Variants in CADM2 observed in about 807,000 individuals in gnomAD.
CADM2 encodes the protein cell adhesion molecule 2.
Under a neutral mutation model 49.8 loss-of-function variants are expected in CADM2, and 12 were observed. That is an observed-to-expected ratio of 0.24 (90% CI 0.15 to 0.39). The LOEUF (loss-of-function observed/expected upper bound fraction) is 0.39. CADM2 is among the 10% of genes least tolerant of loss of function. The pLI is 1.00. For synonymous variants in CADM2, 214 were observed against 175.4 expected (o/e 1.22, Z -1.74); for missense variants, 378 against 492.3 (o/e 0.77, Z 2.20).
intron 2 of CADM2, among the ~76,000 whole-genome samples, chr3:85,798,025 T>G (rs1303079542): frequency 6.6e-6 from 1 of 152,244 alleles, no homozygotes; most frequent in Non-Finnish European, 1.5e-5. Context: ...GATGAACTTT[T>G]TTTTTCATAT....
chr3:86,028,835 C>T (rs1007492052), intron 8 of CADM2, among the ~76,000 whole-genome samples: 1 of 152,106 alleles, frequency 6.6e-6, no homozygotes, highest in Non-Finnish European at 1.5e-5. Flanking sequence ...ACCTGGTTTA[C>T]CCTGGATTAA....
intron 4 of CADM2, among the ~76,000 whole-genome samples, chr3:85,885,451 T>G (rs1458974403): frequency 6.6e-6 from 1 of 151,476 alleles, no homozygotes; most frequent in Non-Finnish European, 1.5e-5. Flanking sequence ...AGTGGGCAGA[T>G]CACGAGGTCA....
At chr3:85,102,201 TC>T (rs2038040430) in intron 1 of CADM2, among the ~76,000 whole-genome samples, 1 of 152,174 alleles carries the variant, frequency 6.6e-6, no homozygotes, top group African/African-American at 2.4e-5. Context: ...CCTCTTTACC[TC>T]CTTTTATATA....
At position 85,398,007 on chromosome 3, in the gene CADM2, C is replaced by CT. The variant is rs199663187; in HGVS notation, c.62-328505dup. Among the ~76,000 whole-genome samples, 614 of 148,602 alleles carry CT rather than the reference C, an allele frequency of 4.1e-3. 2 individuals are homozygous for CT. Among genetic ancestry groups the CT allele is most frequent in the Middle Eastern group, 6.9e-3 (2 of 288 alleles). On this transcript the variant is annotated intron_variant, in intron 1 of 9. Transcript: ENST00000383699. ...GACATCCAGAAGCCTTTTTCTTTTT[C>CT]TTTTTTTTTTAATTATACTTTAAGT...
intron 1 of CADM2, among the ~76,000 whole-genome samples, chr3:85,687,928 T>C (rs571163501): frequency 6.6e-6 from 1 of 152,308 alleles, no homozygotes; most frequent in South Asian, 2.1e-4. Flanking sequence ...AGTGATGGCA[T>C]TGGGTTCTCA....
Position 85,774,274 on chromosome 3 carries a change from C to A in CADM2, c.89-27773C>A, listed in dbSNP as rs192743828. Among the ~76,000 whole-genome samples, 52 of 151,738 alleles carry A rather than the reference C, an allele frequency of 3.4e-4. 2 individuals are homozygous for A. In the South Asian group the frequency reaches 0.01, roughly 30 times the overall value. Reference sequence around the variant, plus strand: ...ATTCGGATGATTTCCACATGCATATCGGTGTTCTTAAATTTAATGTTGATA... The same window carrying A: ...ATTCGGATGATTTCCACATGCATATAGGTGTTCTTAAATTTAATGTTGATA... On this transcript the variant is annotated intron_variant, in intron 2 of 9. Coordinates refer to ENST00000383699, the MANE Select transcript of CADM2 (RefSeq NM_001167675.2).
At chr3:85,098,036 T>C (rs7647649) in intron 1 of CADM2, among the ~76,000 whole-genome samples, 112,042 of 152,010 alleles carry the variant, frequency 0.74, 42,362 homozygotes, top group African/African-American at 0.89. Context: ...TGAATTTGTG[T>C]CATAGGAAAT....
intron 1 of CADM2, among the ~76,000 whole-genome samples, chr3:85,222,641 A>C (rs547567523): frequency 6.6e-6 from 1 of 152,298 alleles, no homozygotes; most frequent in African/African-American, 2.4e-5. Context: ...TAAAACTCTT[A>C]AATTCTTCAT....
intron 2 of CADM2, among the ~76,000 whole-genome samples, chr3:85,761,470 G>A (rs1169272684): frequency 2.8e-5 from 4 of 143,140 alleles, no homozygotes; most frequent in South Asian, 4.5e-4. Context: ...TGCACCTCCC[G>A]GGTTCAAGCA....
At chr3:85,042,684 G>A (rs1280386911) in intron 1 of CADM2, among the ~76,000 whole-genome samples, 2 of 152,146 alleles carry the variant, frequency 1.3e-5, no homozygotes, top group Admixed American at 1.3e-4. Context: ...GTTTTGAATA[G>A]CTTAAATGCC....
At chr3:85,188,485 G>C (rs927168230) in intron 1 of CADM2, among the ~76,000 whole-genome samples, 1 of 151,956 alleles carries the variant, frequency 6.6e-6, no homozygotes, top group Non-Finnish European at 1.5e-5. Context: ...TTTCTGCCTA[G>C]TAATTATTTT....
chr3:85,673,530 TC>T lies in CADM2; in HGVS notation c.62-52991del, dbSNP rs201333556. 1.5e-4 allele frequency among the ~76,000 whole-genome samples: 23 copies of T among 149,378 alleles called. No homozygotes were observed. The East Asian group carries it at 4.1e-3, about 27-fold the overall frequency. On this transcript the variant is annotated intron_variant, in intron 1 of 9. Transcript: ENST00000383699. ...AACCTGCCCAAAAAAGCCAAAATAA[TC>T]TTTTATTTAAGGGGAAGTACCTAAA...
intron 1 of CADM2, among the ~76,000 whole-genome samples, chr3:85,585,497 G>A (rs1014837174): frequency 6.6e-6 from 1 of 151,740 alleles, no homozygotes; most frequent in African/African-American, 2.4e-5. Flanking sequence ...AAAGGAAATT[G>A]TTGCTGGTTT....
At chr3:85,388,334 G>C (rs2034349428) in intron 1 of CADM2, among the ~76,000 whole-genome samples, 1 of 152,142 alleles carries the variant, frequency 6.6e-6, no homozygotes, top group Admixed American at 6.5e-5. Context: ...AGAATTAATT[G>C]TTTGGCCTGG....
intron 1 of CADM2, among the ~76,000 whole-genome samples, chr3:85,367,828 T>TATATAC (rs1384192827): frequency 4.1e-5 from 2 of 48,346 alleles, no homozygotes; most frequent in Non-Finnish European, 1.1e-4. Context: ...TATATATACA[T>TATATAC]ATATATGTGT....
At chr3:85,638,163 A>C (rs1178067769) in intron 1 of CADM2, among the ~76,000 whole-genome samples, 3 of 152,202 alleles carry the variant, frequency 2.0e-5, no homozygotes, top group Admixed American at 6.5e-5. Context: ...TCTCCTGAAC[A>C]CTTGAATTAA....
chr3:85,158,044 A>C (rs1057444567), intron 1 of CADM2, among the ~76,000 whole-genome samples: 3 of 152,252 alleles, frequency 2.0e-5, no homozygotes, highest in African/African-American at 7.2e-5. Context: ...ATGAACAGAC[A>C]CTTCTCAAAA....
chr3:85,831,813 T>C (rs1022854962), intron 3 of CADM2, among the ~76,000 whole-genome samples: 3 of 149,244 alleles, frequency 2.0e-5, no homozygotes, highest in African/African-American at 7.4e-5. Context: ...CTCTCTTTCA[T>C]TGTGCAGAAG....
intron 8 of CADM2, among the ~76,000 whole-genome samples, chr3:86,025,845 C>T (rs1468447365): frequency 2.0e-5 from 3 of 152,130 alleles, no homozygotes; most frequent in Non-Finnish European, 4.4e-5. Flanking sequence ...AAAATACTTA[C>T]TTGTTCCTGA....
Sources: gnomAD v4.1 joint callset for allele counts (sites outside exome capture counted in the v4.1 genomes callset) on GRCh38, gnomAD v4.1.1 for gene constraint, MANE v1.5 for transcripts, NCBI Gene and HGNC (gene_info 2026-07-23, HGNC 2026-07-21) for gene names.